Variants in INO80 observed in about 807,000 individuals in gnomAD.
INO80 encodes the protein INO80 complex ATPase subunit.
In INO80, 20 loss-of-function variants were observed where a neutral mutation model predicts 203.4. The observed-to-expected ratio is 0.10, with a 90% CI of 0.07 to 0.14. The LOEUF (loss-of-function observed/expected upper bound fraction) is 0.14. Among genes scored for constraint, INO80 ranks in the 10% least tolerant of loss-of-function variants. The probability of loss-of-function intolerance (pLI) is 1.00; values close to 1 mark genes in which losing one functional copy is unlikely to be tolerated. For synonymous variants in INO80, 726 were observed against 685.2 expected (o/e 1.06, Z -0.93); for missense variants, 1,419 against 1,914.4 (o/e 0.74, Z 4.83).
At chr15:41,112,244 A>G (rs567125302) in intron 1 of INO80, among the ~76,000 whole-genome samples, 1 of 152,280 alleles carries the variant, frequency 6.6e-6, no homozygotes, top group Non-Finnish European at 1.5e-5. Flanking sequence ...CAGAAGGACT[A>G]TAACAAAAAT....
intron 1 of INO80, among the ~76,000 whole-genome samples, chr15:41,103,978 G>A (rs1426310256): frequency 6.6e-6 from 1 of 151,852 alleles, no homozygotes; most frequent in Non-Finnish European, 1.5e-5. Flanking sequence ...CACCTTGGGA[G>A]GCCAAGGAAG....
chr15:40,994,492 T>C (rs2043854401), intron 29 of INO80, among the ~76,000 whole-genome samples: 1 of 151,762 alleles, frequency 6.6e-6, no homozygotes, highest in Non-Finnish European at 1.5e-5. Flanking sequence ...GCCTCCCGAG[T>C]AGCTGGGACT....
rs1252891960 is a variant in INO80 at position 41,092,180 on chromosome 15, G to A, written c.384C>T (p.Ser128=). Residue 128 remains serine, a splice_region_variant and synonymous_variant, in exon 5 of 36, where the codon AGC becomes AGT. Coordinates refer to ENST00000648947, the MANE Select transcript of INO80 (RefSeq NM_017553.3). ...KLKKSRKWLK[S]ILLSDESSEA... is the part of the protein sequence containing the mutation. ...CGCTGGATTCATCACTTAGCAGAAT[G>A]CTCTGAAAAGGGTGAAAATAGAAAT... 7 of 1,582,990 alleles carry A rather than the reference G, an allele frequency of 4.4e-6. No individual in the cohort carries two copies. The highest frequency in any genetic ancestry group is 6.1e-6 in the Non-Finnish European group (7 of 1,156,204).
intron 28 of INO80, among the ~76,000 whole-genome samples, chr15:41,003,589 C>T (rs984213587): frequency 2.0e-5 from 3 of 152,058 alleles, no homozygotes; most frequent in African/African-American, 7.2e-5. Flanking sequence ...CTCGGCCTCC[C>T]AAAGTGCTGG....
At chr15:41,104,202 A>G (rs2045848730) in intron 1 of INO80, among the ~76,000 whole-genome samples, 1 of 130,714 alleles carries the variant, frequency 7.7e-6, no homozygotes, top group Non-Finnish European at 1.6e-5. Context: ...GCAAAACTCC[A>G]TCTCAAAAAA....
chr15:41,110,441 C>T (rs1372463491), intron 1 of INO80, among the ~76,000 whole-genome samples: 1 of 150,926 alleles, frequency 6.6e-6, no homozygotes, highest in African/African-American at 2.4e-5. Flanking sequence ...CCACAGCACC[C>T]GGCCTCTTTT....
rs1334204052 is a variant in INO80, at chr15:41,116,263, G to A, written c.-334C>T. The A allele has an allele frequency of 5.0e-6, 2 of 399,720 alleles. No homozygotes were observed. Among genetic ancestry groups the A allele is most frequent in the East Asian group, 7.1e-5 (2 of 28,126 alleles). 24.8% of individuals were successfully genotyped at this position (399,720 alleles called of 1,614,324 possible). A position where few individuals can be genotyped will look rare whatever the true frequency, so the allele number is the denominator to read the frequency against. ...CAGGGACACGGGGAGCCATGGCGGG[G>A]GGGAGGAGAGGCGCCATAGCCAGGC... is the stretch of plus-strand genomic sequence containing the variant. On this transcript the variant is annotated 5_prime_UTR_variant, in exon 1 of 36. Transcript: ENST00000648947.
At chr15:41,099,776 T>C (rs571612542) in intron 1 of INO80, among the ~76,000 whole-genome samples, 128 of 136,424 alleles carry the variant, frequency 9.4e-4, no homozygotes, top group Non-Finnish European at 1.6e-3. Flanking sequence ...AGTGAGACTA[T>C]CCAAAAAAAA....
chr15:41,045,568 C>T lies in INO80; in HGVS notation c.2736-493G>A, dbSNP rs191135803. Among the ~76,000 whole-genome samples, 378 of 113,020 alleles carry T rather than the reference C, an allele frequency of 3.3e-3. 3 individuals are homozygous for T. Among genetic ancestry groups the T allele is most frequent in the South Asian group, 0.018 (56 of 3,096 alleles). 74.1% of individuals were successfully genotyped at this position (113,020 alleles called of 152,430 possible). A position where few individuals can be genotyped will look rare whatever the true frequency, so the allele number is the denominator to read the frequency against. On this transcript the variant is annotated intron_variant, in intron 23 of 35. Transcript: ENST00000648947. The stretch of plus-strand genomic sequence containing the variant: ...TTGTACTCCAGCCTGGGCGACAGAG[C>T]GAGACTCTGTCTCAAAAAAAAAAAA...
intron 16 of INO80, among the ~76,000 whole-genome samples, chr15:41,057,549 C>T (rs1403179028): frequency 6.6e-6 from 1 of 151,584 alleles, no homozygotes; most frequent in Admixed American, 6.6e-5. Flanking sequence ...GTAATCCCAG[C>T]ACTTTGGGAG....
intron 20 of INO80, 114 bp downstream of exon 20, chr15:41,049,821 G>A (rs2044836548): frequency 3.3e-6 from 3 of 922,592 alleles, no homozygotes; most frequent in Non-Finnish European, 5.0e-6. Flanking sequence ...GGGAGCCAGA[G>A]GTTGCAGTGA....
At chr15:41,040,782 A>G (rs1259332717) in intron 24 of INO80, among the ~76,000 whole-genome samples, 1 of 150,474 alleles carries the variant, frequency 6.6e-6, no homozygotes, top group East Asian at 1.9e-4. Flanking sequence ...TCCTGTTTCA[A>G]AAAAAAAAGG....
chr15:41,059,391 G>A lies in INO80; in HGVS notation c.1842+476C>T, dbSNP rs141607855. ...TGTAATCCCAGCACTTTGGGAGGCC[G>A]AGGCAGGAGGATCACTTAAGCCCAG... On this transcript the variant is annotated intron_variant, in intron 15 of 35. Transcript: ENST00000648947. 2.5e-3 allele frequency among the ~76,000 whole-genome samples: 384 copies of A among 151,360 alleles called. 1 individual carries two copies. Among genetic ancestry groups the A allele is most frequent in the African/African-American group, 8.3e-3 (343 of 41,334 alleles).
At chr15:41,112,522 C>G (rs1057129090) in intron 1 of INO80, among the ~76,000 whole-genome samples, 3 of 152,074 alleles carry the variant, frequency 2.0e-5, no homozygotes, top group East Asian at 3.9e-4. Flanking sequence ...GACACAGTGG[C>G]TCACGCCTGT....
chr15:41,035,275 T>C (rs968723360), intron 24 of INO80, among the ~76,000 whole-genome samples: 2 of 152,216 alleles, frequency 1.3e-5, no homozygotes, highest in African/African-American at 4.8e-5. Flanking sequence ...GTGGTAGTTT[T>C]ATATGGCCAC....
rs1487389113 is a variant in INO80 at position 40,987,173 on chromosome 15, T to C, written c.3750A>G (p.Ser1250=). Residue 1250 remains serine, a synonymous_variant, in exon 31 of 36, where the codon TCA becomes TCG. Coordinates refer to ENST00000648947, the MANE Select transcript of INO80 (RefSeq NM_017553.3). ...AGGTATCTGGTTTGAAGTTCCCACC[T>C]GAAATCACCATCCGCTGAATCTACA... is the stretch of plus-strand genomic sequence containing the variant. ...EKSEIQRMVI[S]GGNFKPDTLK... is the part of the protein sequence containing the mutation. 1.2e-6 allele frequency: 2 copies of C among 1,611,012 alleles called. No individual in the cohort carries two copies. The highest frequency in any genetic ancestry group is 2.2e-5 in the East Asian group (1 of 44,862).
At chr15:41,115,701 G>C (rs2046023437) in intron 1 of INO80, among the ~76,000 whole-genome samples, 1 of 152,122 alleles carries the variant, frequency 6.6e-6, no homozygotes, top group African/African-American at 2.4e-5. Flanking sequence ...CTCCCCACGT[G>C]TGGGCGCCCC....
At chr15:41,074,347 C>G (rs1217622324) in intron 10 of INO80, 23 bp downstream of exon 10, 1 of 1,548,288 alleles carries the variant, frequency 6.5e-7, no homozygotes, top group Admixed American at 2.0e-5. Flanking sequence ...TAGCCTTCCT[C>G]TAAGTCCTGA....
intron 7 of INO80, among the ~76,000 whole-genome samples, chr15:41,084,532 C>T (rs1432960216): frequency 6.6e-6 from 1 of 151,848 alleles, no homozygotes; most frequent in African/African-American, 2.4e-5. Flanking sequence ...GCAATCCAGC[C>T]CAGGCGACAG....
Sources: allele counts gnomAD v4.1 joint callset (sites outside exome capture counted in the v4.1 genomes callset), GRCh38; gene constraint gnomAD v4.1.1; transcripts MANE v1.5; gene names NCBI Gene and HGNC (gene_info 2026-07-23, HGNC 2026-07-21).